KAZN: variants seen among roughly 807,000 people sequenced by gnomAD.
KAZN encodes the protein kazrin.
Under a neutral mutation model 87.4 loss-of-function variants are expected in KAZN, and 40 were observed. The ratio of observed to expected loss-of-function variants is 0.46; its 90% CI spans 0.36 to 0.60. The LOEUF (loss-of-function observed/expected upper bound fraction) is 0.60. Ranked by LOEUF, KAZN falls within the 20% of genes least tolerant of loss-of-function variation. KAZN has a pLI of 0.00. For missense variants in KAZN, 898 were observed against 1,073.9 expected (o/e 0.84, Z 2.29); for synonymous variants, 466 against 458.3 (o/e 1.02, Z -0.22).
At chr1:14,747,550 G>T (rs1366656518) in intron 1 of KAZN, among the ~76,000 whole-genome samples, 1 of 152,210 alleles carries the variant, frequency 6.6e-6, no homozygotes, top group Non-Finnish European at 1.5e-5. Context: ...AAAGTGCAGG[G>T]ATTATAGGCG....
At position 14,153,608 on chromosome 1, in the gene KAZN, C is replaced by G. The variant is rs1286123695; in HGVS notation, c.92-26827C>G. 1.1e-4 allele frequency among the ~76,000 whole-genome samples: 16 copies of G among 147,140 alleles called. No homozygotes were observed. The Admixed American group carries it at 1.1e-3, about 10-fold the overall frequency. On this transcript the variant is annotated intron_variant, in intron 1 of 16. Coordinates refer to the KAZN transcript ENST00000636203. ...TGACCAACATGGAGAAACCCTGTCT[C>G]TACTAAAAATACAAAAAAATTAGCC...
At chr1:14,458,332 T>G (rs1667680141) in intron 2 of KAZN, among the ~76,000 whole-genome samples, 2 of 152,252 alleles carry the variant, frequency 1.3e-5, no homozygotes, top group African/African-American at 4.8e-5. Context: ...GAAAAACTCT[T>G]CATTAGTTCT....
At chr1:14,745,712 A>G (rs766546203) in intron 1 of KAZN, among the ~76,000 whole-genome samples, 8 of 152,310 alleles carry the variant, frequency 5.3e-5, no homozygotes, top group Non-Finnish European at 1.0e-4. Context: ...AATCATCACT[A>G]GAATTATTAC....
intron 2 of KAZN, among the ~76,000 whole-genome samples, chr1:14,979,818 C>T (rs1362181686): frequency 6.6e-6 from 1 of 152,166 alleles, no homozygotes; most frequent in African/African-American, 2.4e-5. Flanking sequence ...GTACCTACCC[C>T]TTGGTTGTGA....
chr1:13,894,962 T>G (rs1638979694), intron 1 of KAZN, among the ~76,000 whole-genome samples: 1 of 152,206 alleles, frequency 6.6e-6, no homozygotes, highest in African/African-American at 2.4e-5. Flanking sequence ...GTTTCACTTA[T>G]TAAAAACTGT....
At chr1:14,139,407 C>T (rs1179058505) in intron 1 of KAZN, among the ~76,000 whole-genome samples, 2 of 152,218 alleles carry the variant, frequency 1.3e-5, no homozygotes, top group Admixed American at 1.3e-4. Flanking sequence ...CTGCCGATGT[C>T]CTTCCCATCA....
At chr1:14,113,995 A>G (rs1317137297) in intron 1 of KAZN, among the ~76,000 whole-genome samples, 1 of 152,190 alleles carries the variant, frequency 6.6e-6, no homozygotes, top group African/African-American at 2.4e-5. Context: ...GTTTTGGTGG[A>G]GGCCACAAAC....
At chr1:14,805,967 C>T (rs548680163) in intron 1 of KAZN, among the ~76,000 whole-genome samples, 92 of 152,176 alleles carry the variant, frequency 6.0e-4, no homozygotes, top group African/African-American at 2.1e-3. Context: ...CCTTAATGTG[C>T]AGTAAGGGCT....
chr1:14,135,424 G>A (rs1645087575), intron 1 of KAZN, among the ~76,000 whole-genome samples: 1 of 152,240 alleles, frequency 6.6e-6, no homozygotes, highest in South Asian at 2.1e-4. Context: ...CTTGCAGTCT[G>A]AGTGCATGAG....
chr1:14,191,057 A>T (rs941435397), intron 2 of KAZN, among the ~76,000 whole-genome samples: 2 of 152,148 alleles, frequency 1.3e-5, no homozygotes, highest in Non-Finnish European at 2.9e-5. Context: ...TCTCTGCAGC[A>T]TGTGCCCCCT....
rs1650819245 is a variant in KAZN at position 14,259,219 on chromosome 1, C to T, written c.249+78627C>T. On this transcript the variant is annotated intron_variant, in intron 2 of 16. Transcript: ENST00000636203. ...CTTGGTGTCGGATTCAGAGAGTATG[C>T]TGGGAGCACGTGTGCAACTCCACTG... Among the ~76,000 whole-genome samples the T allele has an allele frequency of 1.3e-5, 2 of 152,096 alleles. 1 individual carries two copies. Among genetic ancestry groups the T allele is most frequent in the South Asian group, 4.2e-4 (2 of 4,818 alleles).
At chr1:14,217,913 G>A (rs1484019183) in intron 2 of KAZN, among the ~76,000 whole-genome samples, 1 of 152,120 alleles carries the variant, frequency 6.6e-6, no homozygotes, top group African/African-American at 2.4e-5. Context: ...GGAAAGATGT[G>A]TGAGCTAAAA....
intron 2 of KAZN, among the ~76,000 whole-genome samples, chr1:14,394,719 C>G (rs1442870264): frequency 6.6e-6 from 1 of 152,222 alleles, no homozygotes; most frequent in Non-Finnish European, 1.5e-5. Context: ...CCCACTGTTT[C>G]TCAGTCCTTA....
chr1:14,773,559 T>C lies in KAZN; in HGVS notation c.226+174336T>C, dbSNP rs528544712. 2.6e-5 allele frequency among the ~76,000 whole-genome samples: 4 copies of C among 152,168 alleles called. No individual in the cohort carries two copies. Among genetic ancestry groups the C allele is most frequent in the Non-Finnish European group, 5.9e-5 (4 of 68,042 alleles). Reference sequence around the variant, plus strand: ...CGAATCTCAGCTTCCTCATCTGAGATGGTGGAAAAGATGATGTTGACTTTC... The same window carrying C: ...CGAATCTCAGCTTCCTCATCTGAGACGGTGGAAAAGATGATGTTGACTTTC... On this transcript the variant is annotated intron_variant, in intron 1 of 14. Coordinates refer to ENST00000376030, the MANE Select transcript of KAZN (RefSeq NM_201628.3). This position sits in a 1 kb window ranked among gnomAD's most constrained non-coding sequence, Gnocchi z 5.9.
chr1:14,695,510 C>CTTTTTTTTTGTTTTTTTTTTTT (rs1641545792), intron 1 of KAZN, among the ~76,000 whole-genome samples: 1 of 85,048 alleles, frequency 1.2e-5, no homozygotes, highest in Non-Finnish European at 2.7e-5. Flanking sequence ...TACATTCCAT[C>CTTTTTTTTTGTTTTTTTTTTTT]TTTTTTTTTT....
rs984197012 is a variant in KAZN at position 14,129,663 on chromosome 1, C to T, written c.92-50772C>T. ...TCGTCCATATTCTCCATGTTCTTCT[C>T]GTGATGGGTGTTACACTTGTCCATT... On this transcript the variant is annotated intron_variant, in intron 1 of 16. Coordinates refer to the KAZN transcript ENST00000636203. 3.9e-5 allele frequency among the ~76,000 whole-genome samples: 6 copies of T among 152,150 alleles called. No individual in the cohort carries two copies. In the South Asian group the frequency reaches 1.0e-3, roughly 26 times the overall value.
At position 14,485,870 on chromosome 1, in the gene KAZN, G is replaced by A. The variant is rs540756176; in HGVS notation, c.250-113113G>A. On this transcript the variant is annotated intron_variant, in intron 2 of 16. Coordinates refer to the KAZN transcript ENST00000636203. The stretch of plus-strand genomic sequence containing the variant: ...ATCACACCACTGCACTCCAGCCTGG[G>A]CGACAGAGCGAGACTCCATCTCAAA... Among the ~76,000 whole-genome samples the A allele has an allele frequency of 6.7e-5, 10 of 149,668 alleles. No individual in the cohort carries two copies. In the South Asian group the frequency reaches 2.1e-3, roughly 32 times the overall value.
chr1:14,641,058 C>T (rs1353715833), intron 1 of KAZN, among the ~76,000 whole-genome samples: 4 of 152,178 alleles, frequency 2.6e-5, no homozygotes, highest in Non-Finnish European at 5.9e-5. Context: ...TCCCAACAGT[C>T]CCAGCAGAAG....
intron 1 of KAZN, among the ~76,000 whole-genome samples, chr1:14,052,208 G>A (rs1217213423): frequency 6.6e-6 from 1 of 152,326 alleles, no homozygotes; most frequent in Non-Finnish European, 1.5e-5. Context: ...CCCAGCCAGG[G>A]CCTAACTCTA....
Sources: allele counts gnomAD v4.1 joint callset (sites outside exome capture counted in the v4.1 genomes callset), GRCh38; gene constraint gnomAD v4.1.1; non-coding constraint Gnocchi (gnomAD v3.1); transcripts MANE v1.5; gene names NCBI Gene and HGNC (gene_info 2026-07-23, HGNC 2026-07-21).